Variants in ANKAR observed in about 807,000 individuals in gnomAD.
The protein encoded by ANKAR is ankyrin and armadillo repeat containing.
ANKAR carries 136 observed loss-of-function variants against 146.2 expected under a neutral mutation model. The observed-to-expected ratio is 0.93, with a 90% CI of 0.81 to 1.07. ANKAR has a LOEUF of 1.07. Among genes scored for constraint, ANKAR ranks in the 50% least tolerant of loss-of-function variants. ANKAR has a pLI of 0.00. For synonymous variants in ANKAR, 500 were observed against 575.8 expected, an observed-to-expected ratio of 0.87 and a Z score of 1.88; for missense variants, 1,567 against 1,679.9, an observed-to-expected ratio of 0.93 and a Z score of 1.18.
intron 2 of ANKAR, among the ~76,000 whole-genome samples, chr2:189,678,453 A>G (rs2034115626): frequency 6.6e-6 from 1 of 151,924 alleles, no homozygotes; most frequent in Admixed American, 6.6e-5. Flanking sequence ...GGTCACATCT[A>G]TTTATGTTTG....
At chr2:189,718,455 A>T (rs977344278) in intron 10 of ANKAR, among the ~76,000 whole-genome samples, 1 of 152,170 alleles carries the variant, frequency 6.6e-6, no homozygotes, top group Non-Finnish European at 1.5e-5. Context: ...GTGGTTATTG[A>T]ACTCACGTGA....
intron 18 of ANKAR, chr2:189,752,708 G>A: frequency 6.2e-7 from 1 of 1,613,842 alleles, no homozygotes; most frequent in South Asian, 1.1e-5. Flanking sequence ...CCAGCACGTA[G>A]TCTTTCAATA....
downstream of ANKAR, chr2:189,750,679 G>GT (rs894267748): frequency 2.0e-6 from 3 of 1,538,092 alleles, no homozygotes; most frequent in Non-Finnish European, 2.6e-6. Context: ...CAGACAAATC[G>GT]TATTATTTAT....
chr2:189,738,257 T>C (rs1394393690), intron 18 of ANKAR, among the ~76,000 whole-genome samples: 1 of 152,158 alleles, frequency 6.6e-6, no homozygotes. Context: ...AGTCTTATTC[T>C]CTCTCTTCAT....
chr2:189,741,032 T>TTC (rs1357326226), intron 19 of ANKAR, among the ~76,000 whole-genome samples: 1 of 152,200 alleles, frequency 6.6e-6, no homozygotes, highest in Non-Finnish European at 1.5e-5. Flanking sequence ...ATGTTCATAG[T>TTC]TATTTTTAAA....
chr2:189,761,788 C>A, downstream of ANKAR: 1 of 862,888 alleles, frequency 1.2e-6, no homozygotes, highest in Non-Finnish European at 1.7e-6. Context: ...AAGGCTATAG[C>A]AACATGGGAA....
intron 7 of ANKAR, among the ~76,000 whole-genome samples, chr2:189,700,013 C>T (rs554285301): frequency 3.3e-5 from 5 of 151,654 alleles, no homozygotes; most frequent in African/African-American, 1.2e-4. Context: ...TCAATTAAGA[C>T]AAAGAAACAT....
At position 189,737,670 on chromosome 2, in the gene ANKAR, C is replaced by A; in HGVS notation, c.3424-13C>A. ...ATGAAGTTCACCATAATGCCTGTTT[C>A]TCCTATTTTTAGGATATTTGCTTAA... is the stretch of plus-strand genomic sequence containing the variant. On this transcript the variant is annotated splice_polypyrimidine_tract_variant and intron_variant, in intron 17 of 22. Transcript: ENST00000684021. 1 of 1,578,242 alleles carries A rather than the reference C, an allele frequency of 6.3e-7. No homozygotes were observed. Among genetic ancestry groups the A allele is most frequent in the South Asian group, 1.2e-5 (1 of 83,344 alleles).
intron 2 of ANKAR, among the ~76,000 whole-genome samples, chr2:189,686,346 C>T (rs1016807044): frequency 6.6e-6 from 1 of 152,100 alleles, no homozygotes; most frequent in African/African-American, 2.4e-5. Flanking sequence ...TTTTCTCAAG[C>T]CTAAATTAAG....
At chr2:189,726,614 A>G (rs1329575156) in intron 12 of ANKAR, among the ~76,000 whole-genome samples, 1 of 152,226 alleles carries the variant, frequency 6.6e-6, no homozygotes, top group Non-Finnish European at 1.5e-5. Flanking sequence ...GGTTCCAGAT[A>G]ATAGAACACT....
In ANKAR at chr2:189,703,340, TG is replaced by T. The variant is rs1420216345; in HGVS notation, c.1709-1680del. On this transcript the variant is annotated intron_variant, in intron 7 of 22. Transcript: ENST00000684021. The stretch of plus-strand genomic sequence containing the variant: ...ATTAGGATGGTGGTGGTGGTAGAGA[TG>T]GGTTCTAGAGATTTTTAGACTTGGT... 2.6e-5 allele frequency among the ~76,000 whole-genome samples: 4 copies of T among 152,222 alleles called. No homozygotes were observed. In the East Asian group the frequency reaches 7.7e-4, roughly 29 times the overall value.
intron 12 of ANKAR, among the ~76,000 whole-genome samples, chr2:189,724,347 G>A (rs1337322602): frequency 1.3e-5 from 2 of 152,048 alleles, no homozygotes; most frequent in East Asian, 3.8e-4. Context: ...TATCACCTAG[G>A]ATATGATCCA....
chr2:189,760,651 C>T (rs1408479205), intron 18 of ANKAR, among the ~76,000 whole-genome samples: 2 of 151,674 alleles, frequency 1.3e-5, no homozygotes, highest in African/African-American at 4.9e-5. Flanking sequence ...ATCAGCTGGG[C>T]GTGGTGGCAC....
At chr2:189,762,662 G>C, downstream of ANKAR, 2 of 985,468 alleles carry the variant, frequency 2.0e-6, no homozygotes, top group Non-Finnish European at 2.4e-6. Context: ...TCAGTGGGGT[G>C]AAGAGTGAGC....
At position 189,696,604 on chromosome 2, in the gene ANKAR, A is replaced by G. The variant is rs112548617; in HGVS notation, c.1708+235A>G. Among the ~76,000 whole-genome samples, 2,487 of 152,158 alleles carry G rather than the reference A, an allele frequency of 0.016. 66 individuals carry two copies. The highest frequency in any genetic ancestry group is 0.057 in the African/African-American group (2,354 of 41,538). The stretch of plus-strand genomic sequence containing the variant: ...TCTCCTTCATTTGAGTATAAGCTCT[A>G]TAAGAGGGCAAAGATTTAGCCTACT... On this transcript the variant is annotated intron_variant, in intron 7 of 22. Transcript: ENST00000684021.
intron 15 of ANKAR, among the ~76,000 whole-genome samples, chr2:189,729,715 T>TGTGTGTGTGG (rs61101787): frequency 2.4e-4 from 34 of 141,396 alleles, no homozygotes; most frequent in Non-Finnish European, 3.1e-4. Context: ...TGTGTGTGTG[T>TGTGTGTGTGG]GGTGCGGGTG....
At chr2:189,726,778 T>A (rs2041924260) in intron 12 of ANKAR, among the ~76,000 whole-genome samples, 1 of 152,168 alleles carries the variant, frequency 6.6e-6, no homozygotes, top group Non-Finnish European at 1.5e-5. Flanking sequence ...AAGGATAGGC[T>A]TGTTTTTAGT....
At chr2:189,675,689 A>G (rs1337311184) in intron 1 of ANKAR, among the ~76,000 whole-genome samples, 5 of 152,152 alleles carry the variant, frequency 3.3e-5, no homozygotes, top group African/African-American at 1.2e-4. Context: ...TCTTGCTTTA[A>G]AAAACTGAAA....
At chr2:189,715,890 C>T (rs1164682742) in intron 10 of ANKAR, among the ~76,000 whole-genome samples, 1 of 152,124 alleles carries the variant, frequency 6.6e-6, no homozygotes, top group East Asian at 1.9e-4. Flanking sequence ...ATTCAACAGC[C>T]CTTCATGCTA....
Sources: allele counts gnomAD v4.1 joint callset (sites outside exome capture counted in the v4.1 genomes callset), GRCh38; gene constraint gnomAD v4.1.1; transcripts MANE v1.5; gene names NCBI Gene and HGNC (gene_info 2026-07-23, HGNC 2026-07-21).